The following C16orf74 variants were observed in gnomAD, a reference collection of about 807,000 sequenced individuals.
The protein encoded by C16orf74 is calcimembrin, also known as uncharacterized protein C16orf74.
A neutral mutation model predicts 6.5 loss-of-function variants in C16orf74; 10 were observed. The ratio of observed to expected loss-of-function variants is 1.54; its 90% CI spans 0.95 to 2.61. The LOEUF is 2.61. C16orf74 is among the 30% of genes most tolerant of loss of function. The pLI is 0.00. For synonymous variants in C16orf74, 60 were observed against 42.5 expected (o/e 1.41, Z -1.60); for missense variants, 141 against 105.9 (o/e 1.33, Z -1.45).
At chr16:85,732,189 T>C (rs746135092) in intron 2 of C16orf74, among the ~76,000 whole-genome samples, 2 of 152,194 alleles carry the variant, frequency 1.3e-5, no homozygotes, top group Admixed American at 6.5e-5. Context: ...GGAGCCTCCT[T>C]AGAGCTTCCA....
At chr16:85,710,445 G>A (rs1167402259) in intron 2 of C16orf74, 138 bp from the exon 3 acceptor site, 2 of 712,298 alleles carry the variant, frequency 2.8e-6, no homozygotes, top group Non-Finnish European at 4.3e-6. Context: ...GAGCGCAGCT[G>A]TCCCCGCATC....
chr16:85,709,094 C>T (rs891797611), intron 3 of C16orf74, among the ~76,000 whole-genome samples: 1 of 152,250 alleles, frequency 6.6e-6, no homozygotes, highest in Admixed American at 6.5e-5. Flanking sequence ...GTGGCTCATG[C>T]CTGTAATCCC....
intron 2 of C16orf74, among the ~76,000 whole-genome samples, chr16:85,727,359 C>A (rs1213402406): frequency 6.6e-6 from 1 of 152,228 alleles, no homozygotes; most frequent in Non-Finnish European, 1.5e-5. Flanking sequence ...GGAGTCACAG[C>A]CATGCCTGGC....
intron 1 of C16orf74, among the ~76,000 whole-genome samples, chr16:85,745,630 G>T (rs946136207): frequency 5.4e-5 from 8 of 147,598 alleles, no homozygotes; most frequent in Non-Finnish European, 1.2e-4. Flanking sequence ...ACCAGAGACA[G>T]AATCTCCCGC....
chr16:85,710,197 C>T lies in C16orf74; in HGVS notation c.139G>A (p.Gly47Ser), dbSNP rs770628496. Residue 47 changes from glycine to serine, a missense_variant, in exon 3 of 4, where the codon GGC becomes AGC. By Grantham distance (56) the Gly-to-Ser change is moderately conservative (BLOSUM62 0). Coordinates refer to ENST00000284245, the MANE Select transcript of C16orf74 (RefSeq NM_206967.3). ...CCCAAGTCCCTCGGCAGCATCATGC[C>T]CGTGGGGGTGGGGGGCGTGATGATG... ...DIIITPPTPT[G>S]MMLPRDLGST... The T allele has an allele frequency of 1.3e-6, 2 of 1,488,792 alleles. No homozygotes were observed. The highest frequency in any genetic ancestry group is 2.9e-5 in the Admixed American group (1 of 34,542). 92.2% of individuals were successfully genotyped at this position (1,488,792 alleles called of 1,614,324 possible).
At chr16:85,728,708 C>G (rs1340691968) in intron 2 of C16orf74, among the ~76,000 whole-genome samples, 1 of 152,220 alleles carries the variant, frequency 6.6e-6, no homozygotes, top group Non-Finnish European at 1.5e-5. Flanking sequence ...TCTTTAGTGC[C>G]TATCTCAGAA....
chr16:85,738,377 T>G (rs2054267853), intron 1 of C16orf74, among the ~76,000 whole-genome samples: 1 of 147,664 alleles, frequency 6.8e-6, no homozygotes, highest in African/African-American at 2.5e-5. Context: ...CAGGCTGGAG[T>G]GCAGTGGCGT....
chr16:85,738,582 C>A (rs188100759), intron 1 of C16orf74, among the ~76,000 whole-genome samples: 13 of 151,936 alleles, frequency 8.6e-5, no homozygotes, highest in African/African-American at 3.1e-4. Flanking sequence ...CCACCCACCT[C>A]GGCCTCCCAA....
intron 2 of C16orf74, among the ~76,000 whole-genome samples, chr16:85,730,039 G>A (rs1598796496): frequency 6.6e-6 from 1 of 152,178 alleles, no homozygotes. Context: ...TCGACACAAA[G>A]CCAGCCCAAT....
chr16:85,715,245 G>C (rs1021736077), intron 2 of C16orf74, among the ~76,000 whole-genome samples: 15 of 151,926 alleles, frequency 9.9e-5, no homozygotes, highest in Admixed American at 7.9e-4. Flanking sequence ...GTCACTTGGA[G>C]AGAGGCGCCC....
chr16:85,711,315 T>TAAA lies in C16orf74; in HGVS notation c.29-1011_29-1009dup, dbSNP rs34082214. On this transcript the variant is annotated intron_variant, in intron 2 of 3. Transcript: ENST00000284245. Reference sequence around the variant, plus strand: ...TAAATGACAGAGTAAGACTCCATCTTAAAAAAAAAAAAAAAAAGGCTGGGC... The same window carrying TAAA: ...TAAATGACAGAGTAAGACTCCATCTTAAAAAAAAAAAAAAAAAAAAGGCTGGGC... Among the ~76,000 whole-genome samples, 75 of 123,976 alleles carry TAAA rather than the reference T, an allele frequency of 6.0e-4. 2 individuals are homozygous for TAAA. Among genetic ancestry groups the TAAA allele is most frequent in the African/African-American group, 2.3e-3 (73 of 32,026 alleles). 81.3% of individuals were successfully genotyped at this position (123,976 alleles called of 152,430 possible).
At chr16:85,731,311 G>A (rs550176135) in intron 2 of C16orf74, among the ~76,000 whole-genome samples, 14 of 152,382 alleles carry the variant, frequency 9.2e-5, no homozygotes, top group Admixed American at 9.1e-4. Context: ...GCATTAAACT[G>A]AGCATGGGGC....
chr16:85,717,249 T>C (rs1053710558), intron 2 of C16orf74, among the ~76,000 whole-genome samples: 19 of 152,230 alleles, frequency 1.2e-4, no homozygotes, highest in African/African-American at 4.3e-4. Context: ...CTCTGGGCCC[T>C]CCTAGCTCCA....
At chr16:85,724,369 C>T (rs539425809) in intron 2 of C16orf74, among the ~76,000 whole-genome samples, 8 of 152,132 alleles carry the variant, frequency 5.3e-5, no homozygotes, top group Non-Finnish European at 1.0e-4. Flanking sequence ...CTGCAGGGAA[C>T]GAGGGGGAGG....
intron 2 of C16orf74, among the ~76,000 whole-genome samples, chr16:85,725,521 C>A (rs757254572): frequency 2.1e-4 from 32 of 152,190 alleles, no homozygotes; most frequent in Non-Finnish European, 3.7e-4. Flanking sequence ...ATTTGGAAGC[C>A]TTCCAGAAGA....
At chr16:85,733,353 C>G (rs2054210609) in intron 2 of C16orf74, among the ~76,000 whole-genome samples, 1 of 152,122 alleles carries the variant, frequency 6.6e-6, no homozygotes, top group African/African-American at 2.4e-5. Flanking sequence ...AGAGCAGATT[C>G]TTAGAGACAG....
At chr16:85,743,078 G>C (rs947828518) in intron 1 of C16orf74, among the ~76,000 whole-genome samples, 2 of 152,300 alleles carry the variant, frequency 1.3e-5, no homozygotes, top group Admixed American at 6.5e-5. Context: ...TGTTGGGGGT[G>C]AATTTATGTG....
intron 2 of C16orf74, among the ~76,000 whole-genome samples, chr16:85,733,466 C>T (rs79508624): frequency 0.017 from 2,594 of 152,230 alleles, 68 homozygotes; most frequent in African/African-American, 0.06. Context: ...ATTCTGAAGA[C>T]GGGTGGGGTG....
intron 1 of C16orf74, among the ~76,000 whole-genome samples, chr16:85,742,674 T>A (rs2054322783): frequency 6.6e-6 from 1 of 152,144 alleles, no homozygotes; most frequent in Admixed American, 6.5e-5. Context: ...CCCGAGTAGC[T>A]GGGATTACAG....
Sources: gnomAD v4.1 joint callset for allele counts (sites outside exome capture counted in the v4.1 genomes callset) on GRCh38, gnomAD v4.1.1 for gene constraint, MANE v1.5 for transcripts, NCBI Gene and HGNC (gene_info 2026-07-23, HGNC 2026-07-21) for gene names.